SPATA16: variants seen among roughly 807,000 people sequenced by gnomAD.
SPATA16 encodes spermatogenesis associated 16.
A neutral mutation model predicts 63.3 loss-of-function variants in SPATA16; 36 were observed. The ratio of observed to expected loss-of-function variants is 0.57; its 90% CI spans 0.44 to 0.75. The LOEUF is 0.75. Among genes scored for constraint, SPATA16 ranks in the 30% least tolerant of loss-of-function variants. SPATA16 has a pLI of 0.00. For synonymous variants in SPATA16, 203 were observed against 216.7 expected (o/e 0.94, Z 0.56); for missense variants, 646 against 679.3 (o/e 0.95, Z 0.54).
At chr3:173,045,235 G>T (rs1462996370) in intron 3 of SPATA16, among the ~76,000 whole-genome samples, 2 of 151,908 alleles carry the variant, frequency 1.3e-5, no homozygotes, top group African/African-American at 4.8e-5. Context: ...TCTAATCTCG[G>T]CCTCTTCAGT....
At chr3:173,048,582 C>T (rs536883310) in intron 3 of SPATA16, among the ~76,000 whole-genome samples, 1 of 152,252 alleles carries the variant, frequency 6.6e-6, no homozygotes, top group East Asian at 1.9e-4. Context: ...GCTCATACTT[C>T]ACAGTCAGAA....
chr3:173,101,409 C>T (rs1036914415), intron 2 of SPATA16, among the ~76,000 whole-genome samples: 5 of 152,162 alleles, frequency 3.3e-5, no homozygotes, highest in Admixed American at 6.5e-5. Context: ...TCAACTTAAG[C>T]TGGTTTCTCA....
chr3:173,044,342 C>T (rs1280804824), intron 3 of SPATA16, among the ~76,000 whole-genome samples: 1 of 152,092 alleles, frequency 6.6e-6, no homozygotes, highest in Non-Finnish European at 1.5e-5. Flanking sequence ...TCTTCAACTT[C>T]ACTAGTCCTT....
At chr3:173,030,439 A>G (rs1735578533) in intron 3 of SPATA16, among the ~76,000 whole-genome samples, 1 of 152,090 alleles carries the variant, frequency 6.6e-6, no homozygotes, top group African/African-American at 2.4e-5. Flanking sequence ...ACATTTTTCC[A>G]AAGGTGATAT....
rs931633561 is a variant in SPATA16 at position 172,913,891 on chromosome 3, C to G, written c.1504-147G>C. ...CCTACAATGAATATTGCCACCTCAT[C>G]TTTGCTTGTCATTGCCGAATATTAT... On this transcript the variant is annotated intron_variant, in intron 9 of 10. Transcript: ENST00000351008. 7.0e-6 allele frequency: 5 copies of G among 710,702 alleles called. No individual in the cohort carries two copies. The Admixed American group carries it at 7.0e-5, about 10-fold the overall frequency. The allele number at this position is 710,702 out of a possible 1,614,324, so 44.0% of individuals were successfully genotyped here.
chr3:172,918,248 A>T (rs189783995), intron 8 of SPATA16, among the ~76,000 whole-genome samples: 32 of 152,320 alleles, frequency 2.1e-4, no homozygotes, highest in African/African-American at 7.7e-4. Context: ...TAAAATAAAC[A>T]ATGGGGCTAG....
In SPATA16 at chr3:173,117,560, T is replaced by C; in HGVS notation, c.172A>G (p.Ile58Val). 2 of 1,614,032 alleles carry C rather than the reference T, an allele frequency of 1.2e-6. No individual in the cohort carries two copies. The highest frequency in any genetic ancestry group is 2.2e-5 in the South Asian group (2 of 91,068). The change falls in exon 2 of 11, where the codon ATC (isoleucine) becomes GTC (valine). Residue 58 changes from isoleucine (I) to valine (V), a missense_variant. Physicochemically the swap from Ile to Val is conservative, Grantham distance 29. Transcript: ENST00000351008. ...GTCATTTTTGTTCTTTCAAGTGTGA[T>C]TTCTACCTGTTTACCTCCACAGTTT... ...KKNCGGKQVE[I>V]TLERTKMTKG...
At chr3:173,004,640 A>T (rs1428821572) in intron 4 of SPATA16, among the ~76,000 whole-genome samples, 1 of 152,176 alleles carries the variant, frequency 6.6e-6, no homozygotes, top group Non-Finnish European at 1.5e-5. Context: ...GGGTTTCAAG[A>T]TTGAGAAACT....
chr3:173,086,753 T>C (rs1737066980), intron 2 of SPATA16, among the ~76,000 whole-genome samples: 1 of 152,176 alleles, frequency 6.6e-6, no homozygotes, highest in Non-Finnish European at 1.5e-5. Context: ...TTCTCATTAG[T>C]TTCAAAGAAA....
chr3:172,905,198 G>A (rs1560062452), intron 10 of SPATA16, among the ~76,000 whole-genome samples: 1 of 152,242 alleles, frequency 6.6e-6, no homozygotes, highest in Non-Finnish European at 1.5e-5. Flanking sequence ...ATAACCAAAA[G>A]CAAGAAGATT....
intron 2 of SPATA16, among the ~76,000 whole-genome samples, chr3:173,077,263 A>T (rs1285627590): frequency 6.6e-6 from 1 of 152,134 alleles, no homozygotes; most frequent in East Asian, 1.9e-4. Flanking sequence ...TTCCAAGTAT[A>T]CAGTTCATAA....
intron 4 of SPATA16, among the ~76,000 whole-genome samples, chr3:172,977,967 CT>C (rs1219645766): frequency 1.3e-5 from 2 of 151,986 alleles, no homozygotes; most frequent in African/African-American, 4.8e-5. Flanking sequence ...AGAAAATTTC[CT>C]TTTCTAAATA....
chr3:172,912,458 T>C (rs1732390205), intron 10 of SPATA16, among the ~76,000 whole-genome samples: 1 of 152,180 alleles, frequency 6.6e-6, no homozygotes, highest in South Asian at 2.1e-4. Flanking sequence ...CTGGGTTTTT[T>C]TGTACATACA....
intron 2 of SPATA16, among the ~76,000 whole-genome samples, chr3:173,102,580 T>C (rs1187331319): frequency 6.6e-6 from 1 of 152,108 alleles, no homozygotes; most frequent in Non-Finnish European, 1.5e-5. Flanking sequence ...TCATGAGAAC[T>C]CACTCACTAT....
intron 2 of SPATA16, among the ~76,000 whole-genome samples, chr3:173,108,620 A>T (rs376720077): frequency 6.6e-6 from 1 of 152,170 alleles, no homozygotes; most frequent in East Asian, 1.9e-4. Context: ...ATAGCTCCCC[A>T]GGTGATTGTA....
At chr3:172,938,592 C>T (rs905792599) in intron 6 of SPATA16, among the ~76,000 whole-genome samples, 13 of 152,070 alleles carry the variant, frequency 8.5e-5, no homozygotes, top group Non-Finnish European at 1.5e-4. Context: ...TTGGAGTCTG[C>T]GGGCCTCCTT....
chr3:172,956,691 T>C lies in SPATA16; in HGVS notation c.1067A>G (p.Glu356Gly), dbSNP rs1560078444. The C allele has an allele frequency of 3.1e-6, 5 of 1,611,904 alleles. No individual in the cohort carries two copies. Among genetic ancestry groups the C allele is most frequent in the South Asian group, 1.1e-5 (1 of 91,020 alleles). ...AFTKTHPAYA[E>G]YMYTDLQALH... is the part of the protein sequence containing the mutation. ...TTGAATCTTACCTGTGTACATATAC[T>C]CTGCATATGCAGGATGAGTTTTTGT... is the stretch of plus-strand genomic sequence containing the variant. The change falls in exon 6 of 11, where the codon GAG (glutamate) becomes GGG (glycine). Residue 356 changes from glutamate (E) to glycine (G), a missense_variant. Glu to Gly is a moderately conservative substitution (Grantham distance 98, BLOSUM62 -2). Transcript: ENST00000351008.
chr3:172,971,807 T>A (rs557132811), intron 5 of SPATA16, among the ~76,000 whole-genome samples: 2 of 152,258 alleles, frequency 1.3e-5, no homozygotes, highest in African/African-American at 2.4e-5. Context: ...GTGGGTGCTA[T>A]TTTTTGCTTT....
intron 1 of SPATA16, among the ~76,000 whole-genome samples, chr3:173,134,745 C>CAAAA (rs1044917003): frequency 2.6e-5 from 4 of 152,108 alleles, no homozygotes; most frequent in Non-Finnish European, 5.9e-5. Flanking sequence ...CAGAATAAGT[C>CAAAA]AAAAACTAGA....
Sources: allele counts gnomAD v4.1 joint callset (sites outside exome capture counted in the v4.1 genomes callset), GRCh38; gene constraint gnomAD v4.1.1; transcripts MANE v1.5; gene names NCBI Gene and HGNC (gene_info 2026-07-23, HGNC 2026-07-21).